Variants in DPP6 observed in about 807,000 individuals in gnomAD.
DPP6 encodes dipeptidyl peptidase like 6.
A neutral mutation model predicts 122.6 loss-of-function variants in DPP6; 69 were observed. The ratio of observed to expected loss-of-function variants is 0.56; its 90% CI spans 0.46 to 0.69. The LOEUF (loss-of-function observed/expected upper bound fraction) is 0.69. Ranked by LOEUF, DPP6 falls within the 30% of genes least tolerant of loss-of-function variation. The probability of loss-of-function intolerance (pLI) is 0.00; values close to 1 mark genes in which losing one functional copy is unlikely to be tolerated. For missense variants in DPP6, 928 were observed against 1,116.9 expected, an observed-to-expected ratio of 0.83 and a Z score of 2.41; for synonymous variants, 418 against 433.1, an observed-to-expected ratio of 0.97 and a Z score of 0.43.
chr7:154,062,664 C>T (rs541192914), intron 1 of DPP6, among the ~76,000 whole-genome samples: 2 of 60,734 alleles, frequency 3.3e-5, no homozygotes, highest in African/African-American at 1.0e-4. Flanking sequence ...AGGCACCCCC[C>T]GCGAGGGTGG....
intron 1 of DPP6, among the ~76,000 whole-genome samples, chr7:154,153,518 A>G (rs1467723843): frequency 2.0e-5 from 3 of 152,178 alleles, no homozygotes; most frequent in Admixed American, 1.3e-4. Context: ...CACTTGTTAC[A>G]TCAGCCATTT....
chr7:153,937,511 C>T lies in DPP6; in HGVS notation c.51+49777C>T, dbSNP rs186978512. On this transcript the variant is annotated intron_variant, in intron 1 of 25. Coordinates refer to the DPP6 transcript ENST00000404039. ...TTGCCCAGGCTGGAGCACAGTGGCG[C>T]GATCTCGCCCACTGCAACCTCTCCC... is the stretch of plus-strand genomic sequence containing the variant. Among the ~76,000 whole-genome samples, 27 of 145,244 alleles carry T rather than the reference C, an allele frequency of 1.9e-4. No homozygotes were observed. In the East Asian group the frequency reaches 4.6e-3, roughly 25 times the overall value.
At chr7:154,234,468 A>G (rs1274783436) in intron 1 of DPP6, among the ~76,000 whole-genome samples, 1 of 151,868 alleles carries the variant, frequency 6.6e-6, no homozygotes, top group Non-Finnish European at 1.5e-5. Context: ...CTCCTTCAGG[A>G]CCCCAACAGC....
rs1799572555 is a variant in DPP6 at position 154,037,079 on chromosome 7, GTC to G, written c.51+149349_51+149350del. 5.3e-5 allele frequency among the ~76,000 whole-genome samples: 8 copies of G among 152,240 alleles called. No individual in the cohort carries two copies. In the South Asian group the frequency reaches 1.7e-3, roughly 32 times the overall value. ...TTCAAGGTTGATTTGTGGCCCATGA[GTC>G]TCTGATCCAGACATTTGAAAATCTC... On this transcript the variant is annotated intron_variant, in intron 1 of 25. Coordinates refer to the DPP6 transcript ENST00000404039.
At chr7:154,161,129 G>T (rs1346559135) in intron 1 of DPP6, among the ~76,000 whole-genome samples, 1 of 152,222 alleles carries the variant, frequency 6.6e-6, no homozygotes, top group East Asian at 1.9e-4. Flanking sequence ...AAATGTAGAG[G>T]TCATAAAAAC....
chr7:154,833,100 G>C lies in DPP6; in HGVS notation c.1667-20680G>C, dbSNP rs963030420. Among the ~76,000 whole-genome samples, 2 of 152,182 alleles carry C rather than the reference G, an allele frequency of 1.3e-5. No individual in the cohort carries two copies. Among genetic ancestry groups the C allele is most frequent in the African/African-American group, 4.8e-5 (2 of 41,448 alleles). On this transcript the variant is annotated intron_variant, in intron 16 of 25. Coordinates refer to ENST00000377770, the MANE Select transcript of DPP6 (RefSeq NM_130797.4). This position sits in a 1 kb window ranked among gnomAD's most constrained non-coding sequence, Gnocchi z 4.3. ...AAACCAGTCAAGGGACCCAAGCTTG[G>C]GGAAGGGACTAGCACGTGCTGAGAC...
chr7:154,190,397 G>T (rs1218875230), intron 1 of DPP6, among the ~76,000 whole-genome samples: 1 of 152,132 alleles, frequency 6.6e-6, no homozygotes, highest in Non-Finnish European at 1.5e-5. Flanking sequence ...CAAGATTTGA[G>T]AGAAGTATCT....
chr7:153,964,028 C>G (rs1795497902), intron 1 of DPP6, among the ~76,000 whole-genome samples: 2 of 152,136 alleles, frequency 1.3e-5, no homozygotes, highest in Admixed American at 1.3e-4. Context: ...TGGAGTCTCA[C>G]TCTGTTGCCC....
intron 7 of DPP6, among the ~76,000 whole-genome samples, chr7:154,683,795 C>T (rs576956154): frequency 2.6e-5 from 4 of 152,292 alleles, no homozygotes; most frequent in East Asian, 3.9e-4. Context: ...CATCCAGTTC[C>T]GCAAATGTCC....
At chr7:153,863,065 A>G in the DPP6 span, among the ~76,000 whole-genome samples, 1 of 152,224 alleles carries the variant, frequency 6.6e-6, no homozygotes, top group Admixed American at 6.5e-5. Context: ...ATTTCTACTT[A>G]AACCATATAA....
intron 4 of DPP6, among the ~76,000 whole-genome samples, chr7:154,544,793 G>A (rs939810239): frequency 1.2e-4 from 19 of 152,218 alleles, no homozygotes; most frequent in East Asian, 1.9e-4. Context: ...ATTCCAGAGC[G>A]TTAGGCTAGA....
rs1586415847 is a variant in DPP6, at chr7:154,483,678, G to A, written c.457+8641G>A. 2.6e-5 allele frequency among the ~76,000 whole-genome samples: 4 copies of A among 152,314 alleles called. 1 individual carries two copies. The South Asian group carries it at 6.2e-4, about 24-fold the overall frequency. On this transcript the variant is annotated intron_variant, in intron 3 of 25. Transcript: ENST00000377770. The surrounding 1 kb of genome is among the most constrained non-coding windows in gnomAD (Gnocchi z 8.1). ...GGCATTTATGAGAAAAAGCCCAGGT[G>A]AAGTTTTTGTTTCGTTTTGTTTTGC...
At chr7:154,654,402 A>AATTTATCT in intron 6 of DPP6, among the ~76,000 whole-genome samples, 1 of 20,444 alleles carries the variant, frequency 4.9e-5, no homozygotes, top group Admixed American at 7.3e-4. Flanking sequence ...TCTATATCCA[A>AATTTATCT]ATCTTTCTTT....
At chr7:154,289,088 A>C (rs1184974268) in intron 1 of DPP6, among the ~76,000 whole-genome samples, 1 of 152,186 alleles carries the variant, frequency 6.6e-6, no homozygotes, top group Non-Finnish European at 1.5e-5. Context: ...CGATAATACT[A>C]AACGGAAGCT....
intron 7 of DPP6, among the ~76,000 whole-genome samples, chr7:154,696,862 C>T (rs1220531872): frequency 6.6e-6 from 1 of 152,170 alleles, no homozygotes; most frequent in East Asian, 1.9e-4. Flanking sequence ...GAGCCGGCCT[C>T]GGGGGGCCGG....
At chr7:154,779,915 A>AT (rs1311230032) in intron 10 of DPP6, among the ~76,000 whole-genome samples, 1 of 152,080 alleles carries the variant, frequency 6.6e-6, no homozygotes, top group South Asian at 2.1e-4. Context: ...TTGTGTTCCA[A>AT]TTTTTTTTGG....
the DPP6 span, among the ~76,000 whole-genome samples, chr7:153,774,007 G>A: frequency 6.6e-6 from 1 of 151,848 alleles, no homozygotes; most frequent in Admixed American, 6.6e-5. Flanking sequence ...ATATAAAAGA[G>A]AAATTAAATG....
intron 1 of DPP6, among the ~76,000 whole-genome samples, chr7:154,379,345 C>T (rs947224889): frequency 1.5e-4 from 23 of 151,920 alleles, no homozygotes; most frequent in African/African-American, 5.3e-4. Context: ...ACATCACACA[C>T]CAGGGCCTGT....
chr7:154,475,786 C>G (rs1822682533), intron 3 of DPP6: 1 of 152,458 alleles, frequency 6.6e-6, no homozygotes, highest in African/African-American at 2.4e-5. Context: ...CTGTTGCTTA[C>G]ATTTCATCTT....
Sources: allele counts gnomAD v4.1 joint callset (sites outside exome capture counted in the v4.1 genomes callset), GRCh38; gene constraint gnomAD v4.1.1; non-coding constraint Gnocchi (gnomAD v3.1); transcripts MANE v1.5; gene names NCBI Gene and HGNC (gene_info 2026-07-23, HGNC 2026-07-21).